PRKG1: variants seen among roughly 807,000 people sequenced by gnomAD.
PRKG1 encodes protein kinase cGMP-dependent 1, also known as cGMP-dependent protein kinase 1.
In PRKG1, 35 loss-of-function variants were observed where a neutral mutation model predicts 88.1. The observed-to-expected ratio is 0.40, with a 90% confidence interval of 0.30 to 0.53. The LOEUF (loss-of-function observed/expected upper bound fraction) is 0.53. Ranked by LOEUF, PRKG1 falls within the 20% of genes least tolerant of loss-of-function variation. The probability of loss-of-function intolerance (pLI) is 0.59; values close to 1 mark genes in which losing one functional copy is unlikely to be tolerated. For synonymous variants in PRKG1, 303 were observed against 292.5 expected, an observed-to-expected ratio of 1.04 and a Z score of -0.37; for missense variants, 540 against 839.8, an observed-to-expected ratio of 0.64 and a Z score of 4.41.
At chr10:51,637,674 A>T (rs1168793992) in intron 3 of PRKG1, among the ~76,000 whole-genome samples, 1 of 152,194 alleles carries the variant, frequency 6.6e-6, no homozygotes, top group Non-Finnish European at 1.5e-5. Context: ...AGGAACAGAA[A>T]ACCAAATACT....
intron 3 of PRKG1, among the ~76,000 whole-genome samples, chr10:51,803,854 A>G (rs1839237309): frequency 6.6e-6 from 1 of 152,210 alleles, no homozygotes; most frequent in Non-Finnish European, 1.5e-5. Flanking sequence ...TAATGTGCTC[A>G]TTTTAAAAGT....
chr10:51,364,946 A>G (rs1443529232), intron 2 of PRKG1, among the ~76,000 whole-genome samples: 1 of 151,926 alleles, frequency 6.6e-6, no homozygotes, highest in Admixed American at 6.6e-5. Context: ...AGAACAAATA[A>G]TTACCATTTA....
intron 5 of PRKG1, among the ~76,000 whole-genome samples, chr10:52,025,201 A>T (rs1433492558): frequency 6.6e-6 from 1 of 152,040 alleles, no homozygotes; most frequent in South Asian, 2.1e-4. Context: ...AATTTGTTTA[A>T]GTTCTTTGTA....
chr10:51,154,068 T>G (rs1846144576), intron 2 of PRKG1, among the ~76,000 whole-genome samples: 2 of 151,912 alleles, frequency 1.3e-5, no homozygotes, highest in South Asian at 4.1e-4. Flanking sequence ...TGTAAGATGG[T>G]GACACATGAA....
chr10:51,807,067 T>G (rs1333658665), intron 4 of PRKG1, among the ~76,000 whole-genome samples: 1 of 152,226 alleles, frequency 6.6e-6, no homozygotes, highest in Non-Finnish European at 1.5e-5. Flanking sequence ...AATTTGACCT[T>G]AAGCTTATTT....
intron 7 of PRKG1, among the ~76,000 whole-genome samples, chr10:52,129,637 T>C (rs1367472528): frequency 2.0e-5 from 3 of 152,208 alleles, no homozygotes; most frequent in Admixed American, 2.0e-4. Flanking sequence ...TGCCATTGAA[T>C]GAGCTTGGCG....
intron 5 of PRKG1, among the ~76,000 whole-genome samples, chr10:51,970,601 T>G (rs1843685485): frequency 6.7e-6 from 1 of 149,942 alleles, no homozygotes; most frequent in Non-Finnish European, 1.5e-5. Context: ...TTTGCTATCC[T>G]TGTTTCATTT....
intron 3 of PRKG1, among the ~76,000 whole-genome samples, chr10:51,597,056 G>A (rs1182203161): frequency 6.6e-6 from 1 of 152,026 alleles, no homozygotes; most frequent in South Asian, 2.1e-4. Context: ...TACTTTAAAG[G>A]GACTTATCTA....
chr10:52,174,206 A>C (rs1008069184), intron 9 of PRKG1, among the ~76,000 whole-genome samples: 1 of 151,996 alleles, frequency 6.6e-6, no homozygotes, highest in Non-Finnish European at 1.5e-5. Context: ...CAATTAAATT[A>C]ATGATGAAGA....
At chr10:51,013,325 C>A (rs1294753429) in intron 1 of PRKG1, among the ~76,000 whole-genome samples, 1 of 152,206 alleles carries the variant, frequency 6.6e-6, no homozygotes, top group Non-Finnish European at 1.5e-5. Context: ...ACTACCACCA[C>A]TAGACTTGCA....
chr10:51,075,293 G>A (rs1843920860), intron 1 of PRKG1, among the ~76,000 whole-genome samples: 1 of 152,148 alleles, frequency 6.6e-6, no homozygotes, highest in African/African-American at 2.4e-5. Flanking sequence ...CCTAAATGCA[G>A]GCTCATCAGA....
chr10:51,266,858 C>T (rs1839848627), intron 2 of PRKG1, among the ~76,000 whole-genome samples: 1 of 152,178 alleles, frequency 6.6e-6, no homozygotes, highest in Non-Finnish European at 1.5e-5. Flanking sequence ...TTTCTATACT[C>T]AATTATTTAT....
intron 2 of PRKG1, among the ~76,000 whole-genome samples, chr10:51,289,462 G>A (rs759531158): frequency 6.6e-6 from 1 of 152,086 alleles, no homozygotes; most frequent in African/African-American, 2.4e-5. Flanking sequence ...AACTTCCAAC[G>A]GTCTGTGGCT....
At chr10:51,000,969 T>C (rs911253953) in intron 1 of PRKG1, among the ~76,000 whole-genome samples, 1 of 152,252 alleles carries the variant, frequency 6.6e-6, no homozygotes, top group Non-Finnish European at 1.5e-5. Context: ...GTTTGTCAAC[T>C]TCTTCATAGG....
rs142103091 is a variant in PRKG1 at position 51,170,322 on chromosome 10, G to A, written c.478+16992G>A. On this transcript the variant is annotated intron_variant, in intron 2 of 17. Transcript: ENST00000373980. The stretch of plus-strand genomic sequence containing the variant: ...TATAATACAGGGAATAAACTCCCAT[G>A]ATTTATGGCTTTCAGGCTTGTGGTC... Among the ~76,000 whole-genome samples the A allele has an allele frequency of 7.1e-3, 1,079 of 152,110 alleles. 6 individuals carry two copies. Among genetic ancestry groups the A allele is most frequent in the Non-Finnish European group, 0.011 (747 of 67,978 alleles).
At chr10:51,620,276 T>G (rs974963278) in intron 3 of PRKG1, among the ~76,000 whole-genome samples, 1 of 152,108 alleles carries the variant, frequency 6.6e-6, no homozygotes, top group African/African-American at 2.4e-5. Flanking sequence ...CTAGATTAAC[T>G]TGTAGTTAGT....
intron 4 of PRKG1, among the ~76,000 whole-genome samples, chr10:51,856,297 T>C (rs1840677781): frequency 2.0e-5 from 3 of 152,210 alleles, no homozygotes; most frequent in Non-Finnish European, 4.4e-5. Flanking sequence ...TGGACATCTT[T>C]GGGAGGCCAT....
intron 7 of PRKG1, among the ~76,000 whole-genome samples, chr10:52,070,319 T>TA (rs1846464861): frequency 6.6e-6 from 1 of 152,184 alleles, no homozygotes; most frequent in African/African-American, 2.4e-5. Flanking sequence ...AGGTCAAATT[T>TA]CATTTGAAGT....
chr10:51,827,270 G>T (rs1236846464), intron 4 of PRKG1, among the ~76,000 whole-genome samples: 3 of 151,884 alleles, frequency 2.0e-5, no homozygotes, highest in Non-Finnish European at 4.4e-5. Flanking sequence ...TTATGAAAAA[G>T]GTTTGAAAGA....
Sources: gnomAD v4.1 joint callset for allele counts (sites outside exome capture counted in the v4.1 genomes callset) on GRCh38, gnomAD v4.1.1 for gene constraint, MANE v1.5 for transcripts, NCBI Gene and HGNC (gene_info 2026-07-23, HGNC 2026-07-21) for gene names.